AUTS2: variants seen among roughly 807,000 people sequenced by gnomAD.
The protein encoded by AUTS2 is activator of transcription and developmental regulator AUTS2, also known as autism susceptibility gene 2 protein.
AUTS2 carries 17 observed loss-of-function variants against 112.4 expected under a neutral mutation model. The observed-to-expected ratio is 0.15, with a 90% CI of 0.10 to 0.23. AUTS2 has a LOEUF of 0.23. Ranked by LOEUF, AUTS2 falls within the 10% of genes least tolerant of loss-of-function variation. The probability of loss-of-function intolerance (pLI) is 1.00; values close to 1 mark genes in which losing one functional copy is unlikely to be tolerated. For missense variants in AUTS2, 1,510 were observed against 1,701.6 expected (o/e 0.89, Z 1.98); for synonymous variants, 751 against 702.7 (o/e 1.07, Z -1.09).
At chr7:70,665,451 C>CTATTTATCTATT (rs1554455006) in intron 5 of AUTS2, among the ~76,000 whole-genome samples, 3,915 of 147,074 alleles carry the variant, frequency 0.027, 127 homozygotes, top group African/African-American at 0.071. Flanking sequence ...ATCTATTTAT[C>CTATTTATCTATT]TATTTATTTA....
At chr7:70,401,888 A>C (rs980300522) in intron 4 of AUTS2, among the ~76,000 whole-genome samples, 1 of 152,234 alleles carries the variant, frequency 6.6e-6, no homozygotes, top group Non-Finnish European at 1.5e-5. Context: ...CACACATTTG[A>C]AAATTTTCTT....
intron 2 of AUTS2, among the ~76,000 whole-genome samples, chr7:70,076,335 C>T (rs1803031242): frequency 6.6e-6 from 1 of 152,186 alleles, no homozygotes; most frequent in African/African-American, 2.4e-5. Flanking sequence ...ATTTCTTGGA[C>T]ACTGCTACCT....
At chr7:69,850,949 C>T (rs1485260699) in intron 1 of AUTS2, among the ~76,000 whole-genome samples, 2 of 152,132 alleles carry the variant, frequency 1.3e-5, no homozygotes, top group African/African-American at 2.4e-5. Flanking sequence ...AAGATTGGCT[C>T]CTATGTCTTC....
rs1389498362 is a variant in AUTS2, at chr7:70,569,231, G to C, written c.691-129338G>C. ...AGAAACAGGCAGCCAGCACGTTATG[G>C]GAAAGGTGACTTGCTGAGTCCCTGT... On this transcript the variant is annotated intron_variant, in intron 5 of 18. Coordinates refer to ENST00000342771, the MANE Select transcript of AUTS2 (RefSeq NM_015570.4). Among the ~76,000 whole-genome samples the C allele has an allele frequency of 4.6e-5, 7 of 152,284 alleles. No individual in the cohort carries two copies. In the East Asian group the frequency reaches 1.4e-3, roughly 29 times the overall value.
intron 1 of AUTS2, among the ~76,000 whole-genome samples, chr7:69,795,634 G>T (rs1378783603): frequency 6.6e-6 from 1 of 152,196 alleles, no homozygotes; most frequent in East Asian, 1.9e-4. Context: ...GAGAGCAGTG[G>T]CAGCAGACAT....
chr7:70,104,229 G>A (rs1437840081), intron 2 of AUTS2, among the ~76,000 whole-genome samples: 1 of 151,336 alleles, frequency 6.6e-6, no homozygotes, highest in Non-Finnish European at 1.5e-5. Flanking sequence ...TATATCAAGG[G>A]GCTAATGTGG....
chr7:70,762,980 T>G lies in AUTS2; in HGVS notation c.853T>G (p.Cys285Gly). 3.7e-6 allele frequency: 6 copies of G among 1,614,110 alleles called. No individual in the cohort carries two copies. In the South Asian group the frequency reaches 6.6e-5, roughly 18 times the overall value. Residue 285 changes from cysteine to glycine, a missense_variant, in exon 7 of 19, where the codon TGC becomes GGC. This residue lies in a region of AUTS2 where 535 missense variants were observed against 594.3 expected (regional missense o/e 0.90). Transcript: ENST00000342771. ...ERSQEKSQDCCKEPIFEPVVL... is the reference protein window; with the variant it reads ...ERSQEKSQDCGKEPIFEPVVL... ...AAGCCAGGAGAAGAGCCAGGACTGT[T>G]GCAAAGAGCCAATCTTTGAGCCTGT... is the stretch of plus-strand genomic sequence containing the variant.
At chr7:70,005,851 T>C (rs1177619691) in intron 2 of AUTS2, among the ~76,000 whole-genome samples, 1 of 152,208 alleles carries the variant, frequency 6.6e-6, no homozygotes, top group Non-Finnish European at 1.5e-5. Context: ...CCAAAGTTTT[T>C]TGAAAATTGG....
At chr7:70,308,236 G>A (rs1370262654) in intron 4 of AUTS2, among the ~76,000 whole-genome samples, 1 of 152,172 alleles carries the variant, frequency 6.6e-6, no homozygotes, top group African/African-American at 2.4e-5. Context: ...GGGAATTGTT[G>A]CAGTGAATCC....
intron 6 of AUTS2, among the ~76,000 whole-genome samples, chr7:70,713,755 C>T (rs545157312): frequency 2.0e-5 from 3 of 152,246 alleles, no homozygotes; most frequent in East Asian, 1.9e-4. Context: ...ATTAGCCGGG[C>T]GTGGTGGCGG....
At chr7:70,118,267 A>AAG (rs773344246) in intron 3 of AUTS2, 34 bp downstream of exon 3, 16 of 1,468,150 alleles carry the variant, frequency 1.1e-5, no homozygotes, top group Non-Finnish European at 1.5e-5. Flanking sequence ...AAAAAAAAAA[A>AAG]TTAACGAAAA....
intron 4 of AUTS2, among the ~76,000 whole-genome samples, chr7:70,340,792 A>G (rs1029315111): frequency 2.0e-5 from 3 of 152,266 alleles, no homozygotes; most frequent in African/African-American, 4.8e-5. Context: ...CAATTCTGCT[A>G]ATTTCACACA....
chr7:69,601,074 G>C (rs901533149), intron 1 of AUTS2, among the ~76,000 whole-genome samples: 1 of 151,928 alleles, frequency 6.6e-6, no homozygotes, highest in Admixed American at 6.6e-5. Flanking sequence ...GTGTGGTATT[G>C]GTCATTGGCC....
chr7:70,511,561 CTTTTTTTTTT>C (rs3974587), intron 5 of AUTS2, among the ~76,000 whole-genome samples: 3 of 70,104 alleles, frequency 4.3e-5, no homozygotes, highest in African/African-American at 6.0e-5. Flanking sequence ...TTTTCATTTT[CTTTTTTTTTT>C]TTTTTTTTTT....
chr7:70,550,961 C>G (rs1800992454), intron 5 of AUTS2, among the ~76,000 whole-genome samples: 1 of 151,976 alleles, frequency 6.6e-6, no homozygotes, highest in African/African-American at 2.4e-5. Flanking sequence ...ACAAGATGAA[C>G]CTGGAGTATG....
intron 1 of AUTS2, among the ~76,000 whole-genome samples, chr7:69,779,882 G>T (rs979037821): frequency 6.6e-6 from 1 of 151,796 alleles, no homozygotes. Context: ...TTCAGACAGG[G>T]TGTTGCTCTG....
At chr7:70,473,037 AT>A (rs1305586745) in intron 5 of AUTS2, among the ~76,000 whole-genome samples, 5 of 152,152 alleles carry the variant, frequency 3.3e-5, no homozygotes, top group Admixed American at 2.0e-4. Context: ...CTGATCTTTC[AT>A]TTTCCCGTAA....
Position 70,766,479 on chromosome 7 carries a change from A to G in AUTS2, c.1689+145A>G. On this transcript the variant is annotated intron_variant, in intron 9 of 18. Transcript: ENST00000342771. This position sits in a 1 kb window ranked among gnomAD's most constrained non-coding sequence, Gnocchi z 4.8. ...GGCTGGAGAGAAGGGAATGTGTCCT[A>G]GTGCCCTGCCTCAGGCAGCTCTGAC... 2.8e-6 allele frequency: 3 copies of G among 1,071,562 alleles called. No homozygotes were observed. The highest frequency in any genetic ancestry group is 4.1e-6 in the Non-Finnish European group (3 of 731,760). The allele number at this position is 1,071,562 out of a possible 1,614,324, so 66.4% of individuals were successfully genotyped here. A position where few individuals can be genotyped will look rare whatever the true frequency, so the allele number is the denominator to read the frequency against.
chr7:70,180,544 C>T (rs1809241849), intron 4 of AUTS2, among the ~76,000 whole-genome samples: 1 of 152,202 alleles, frequency 6.6e-6, no homozygotes, highest in African/African-American at 2.4e-5. Context: ...CATGGTCTAC[C>T]TGGCCTTCTC....
Sources: allele counts gnomAD v4.1 joint callset (sites outside exome capture counted in the v4.1 genomes callset), GRCh38; gene constraint gnomAD v4.1.1; regional missense constraint gnomAD v4.1.1; non-coding constraint Gnocchi (gnomAD v3.1); transcripts MANE v1.5; gene names NCBI Gene and HGNC (gene_info 2026-07-23, HGNC 2026-07-21).